CSMD3: variants seen among roughly 807,000 people sequenced by gnomAD.
CSMD3 encodes CUB and sushi domain-containing protein 3.
A neutral mutation model predicts 435.2 loss-of-function variants in CSMD3; 177 were observed. The ratio of observed to expected loss-of-function variants is 0.41; its 90% CI spans 0.36 to 0.46. CSMD3 has a LOEUF of 0.46. CSMD3 is among the 20% of genes least tolerant of loss of function. CSMD3 has a pLI of 0.34. For synonymous variants in CSMD3, 1,656 were observed against 1,520.5 expected (o/e 1.09, Z -2.07); for missense variants, 4,265 against 4,504.6 (o/e 0.95, Z 1.52).
intron 10 of CSMD3, among the ~76,000 whole-genome samples, chr8:112,921,145 T>G (rs1428318720): frequency 6.6e-6 from 1 of 151,744 alleles, no homozygotes; most frequent in Non-Finnish European, 1.5e-5. Context: ...TTATTTGGAA[T>G]TATTGATAAT....
chr8:112,712,675 TC>T (rs1280532405), intron 13 of CSMD3, among the ~76,000 whole-genome samples: 1 of 152,128 alleles, frequency 6.6e-6, no homozygotes, highest in Non-Finnish European at 1.5e-5. Context: ...TGCCTTGTAG[TC>T]TTTTAATCTT....
In CSMD3 at chr8:112,829,760, A is replaced by T. The variant is rs1220433154; in HGVS notation, c.1785T>A (p.Asp595Glu). The change falls in exon 12 of 71, where the codon GAT becomes GAA. Residue 595 changes from aspartate to glutamate, a missense_variant. By Grantham distance (45) the Asp-to-Glu change is conservative. Around this residue, in one of 3 missense-constraint regions of CSMD3, gnomAD observed 731 missense variants for 755.4 expected, o/e 0.97. Coordinates refer to ENST00000297405, the MANE Select transcript of CSMD3 (RefSeq NM_198123.2). Reference sequence around the variant, plus strand: ...TCAAGGTATCATAGCCAATCTCCAGATCAAATTCTTCAAAATTTATCTGGA... The same window carrying T: ...TCAAGGTATCATAGCCAATCTCCAGTTCAAATTCTTCAAAATTTATCTGGA... ...KVIQINFEEF[D>E]LEIGYDTLTI... 6.2e-7 allele frequency: 1 copy of T among 1,612,522 alleles called. No individual in the cohort carries two copies. The highest frequency in any genetic ancestry group is 8.5e-7 in the Non-Finnish European group (1 of 1,178,686).
chr8:112,905,870 C>T (rs909871950), intron 10 of CSMD3, among the ~76,000 whole-genome samples: 17 of 151,352 alleles, frequency 1.1e-4, no homozygotes, highest in African/African-American at 3.1e-4. Context: ...TTGCATTCCT[C>T]CTAAATTCAT....
At chr8:112,227,935 G>A (rs1424209156) in intron 70 of CSMD3, among the ~76,000 whole-genome samples, 1 of 152,006 alleles carries the variant, frequency 6.6e-6, no homozygotes, top group Non-Finnish European at 1.5e-5. Context: ...CCATCTACTT[G>A]GGAGGCTGAA....
At chr8:112,771,826 T>A (rs190427496) in intron 13 of CSMD3, among the ~76,000 whole-genome samples, 11 of 152,108 alleles carry the variant, frequency 7.2e-5, no homozygotes, top group Non-Finnish European at 1.3e-4. Context: ...ATGAAATGAA[T>A]AGGAATAGAA....
intron 64 of CSMD3, among the ~76,000 whole-genome samples, chr8:112,246,728 T>C (rs1202677342): frequency 1.3e-5 from 2 of 152,122 alleles, no homozygotes; most frequent in African/African-American, 4.8e-5. Context: ...TAGATGCAGA[T>C]CTATAAACTA....
At chr8:113,335,119 C>A (rs529543964) in intron 1 of CSMD3, among the ~76,000 whole-genome samples, 1 of 152,004 alleles carries the variant, frequency 6.6e-6, no homozygotes, top group Non-Finnish European at 1.5e-5. Flanking sequence ...GTGCATAGCA[C>A]GCCACCTCCA....
intron 22 of CSMD3, among the ~76,000 whole-genome samples, chr8:112,627,534 T>C (rs942239002): frequency 6.6e-6 from 1 of 152,304 alleles, no homozygotes; most frequent in East Asian, 1.9e-4. Flanking sequence ...GTGTCCTCTC[T>C]GCAATCCCCA....
At chr8:113,264,841 G>A (rs1427778207) in intron 3 of CSMD3, among the ~76,000 whole-genome samples, 1 of 151,490 alleles carries the variant, frequency 6.6e-6, no homozygotes, top group Non-Finnish European at 1.5e-5. Context: ...CACATTCATT[G>A]GAGTTTTAAT....
At chr8:112,257,415 T>C (rs1213837110) in intron 61 of CSMD3, among the ~76,000 whole-genome samples, 7 of 152,182 alleles carry the variant, frequency 4.6e-5, no homozygotes, top group Non-Finnish European at 1.0e-4. Context: ...CTTAAGCTGA[T>C]AAGCAACTTC....
chr8:113,023,893 C>T (rs578121309), intron 5 of CSMD3, among the ~76,000 whole-genome samples: 114 of 152,206 alleles, frequency 7.5e-4, no homozygotes, highest in African/African-American at 2.5e-3. Context: ...GCATATCCAT[C>T]ACCTCAAACA....
intron 4 of CSMD3, among the ~76,000 whole-genome samples, chr8:113,117,399 C>T (rs2090863463): frequency 6.6e-6 from 1 of 152,190 alleles, no homozygotes; most frequent in Non-Finnish European, 1.5e-5. Context: ...GTTTGGGAAC[C>T]TCAGCCTAGA....
intron 1 of CSMD3, among the ~76,000 whole-genome samples, chr8:113,338,936 T>C (rs936521253): frequency 1.8e-4 from 27 of 151,976 alleles, no homozygotes; most frequent in African/African-American, 6.3e-4. Context: ...TTGTCCACAC[T>C]TGTCTGTTTA....
At chr8:112,570,087 G>A (rs928850734) in intron 24 of CSMD3, among the ~76,000 whole-genome samples, 3 of 151,162 alleles carry the variant, frequency 2.0e-5, no homozygotes, top group Non-Finnish European at 2.9e-5. Flanking sequence ...CTGGATATGA[G>A]GATTTAAACA....
intron 6 of CSMD3, among the ~76,000 whole-genome samples, chr8:113,008,670 G>T (rs1283804525): frequency 6.6e-6 from 1 of 151,554 alleles, no homozygotes; most frequent in African/African-American, 2.4e-5. Flanking sequence ...TAGCTGTATT[G>T]TAGTGAAGAT....
At chr8:112,738,132 G>A (rs373087047) in intron 13 of CSMD3, among the ~76,000 whole-genome samples, 40 of 151,662 alleles carry the variant, frequency 2.6e-4, no homozygotes, top group African/African-American at 9.2e-4. Context: ...GAGAGGTGGG[G>A]GGAAGAAATA....
At chr8:112,624,816 T>C (rs973268616) in intron 22 of CSMD3, among the ~76,000 whole-genome samples, 4 of 152,058 alleles carry the variant, frequency 2.6e-5, no homozygotes, top group African/African-American at 4.8e-5. Flanking sequence ...ATATGAGATA[T>C]GATTTCCATA....
intron 36 of CSMD3, among the ~76,000 whole-genome samples, chr8:112,385,894 G>C (rs990640533): frequency 3.4e-5 from 5 of 148,368 alleles, no homozygotes; most frequent in African/African-American, 1.2e-4. Flanking sequence ...CTGAATAATG[G>C]CTTCTGGAGA....
intron 23 of CSMD3, among the ~76,000 whole-genome samples, chr8:112,581,314 G>A (rs1319671780): frequency 3.9e-5 from 6 of 151,952 alleles, no homozygotes; most frequent in Admixed American, 2.6e-4. Context: ...GACAAAATAG[G>A]TGTGTAGAAA....
Sources: allele counts gnomAD v4.1 joint callset (sites outside exome capture counted in the v4.1 genomes callset), GRCh38; gene constraint gnomAD v4.1.1; regional missense constraint gnomAD v4.1.1; transcripts MANE v1.5; gene names NCBI Gene and HGNC (gene_info 2026-07-23, HGNC 2026-07-21).